The following ITGAL variants were observed in gnomAD, a reference collection of about 807,000 sequenced individuals.
ITGAL encodes the protein integrin subunit alpha L, also known as integrin alpha-L.
Under a neutral mutation model 138.4 loss-of-function variants are expected in ITGAL, and 68 were observed. The observed-to-expected ratio is 0.49, with a 90% confidence interval of 0.40 to 0.60. The LOEUF (loss-of-function observed/expected upper bound fraction) is 0.60, where lower values mean the gene tolerates loss of function less well. ITGAL is among the 20% of genes least tolerant of loss of function. The pLI is 0.00. For synonymous variants in ITGAL, 561 were observed against 584.3 expected (o/e 0.96, Z 0.57); for missense variants, 1,256 against 1,478.6 (o/e 0.85, Z 2.47).
intron 9 of ITGAL, 89 bp downstream of exon 9, chr16:30,484,352 T>A: frequency 7.7e-7 from 1 of 1,302,312 alleles, no homozygotes; most frequent in Non-Finnish European, 1.1e-6. Context: ...CTCACACCTG[T>A]AATCCCAGCA....
In ITGAL at chr16:30,474,109, C is replaced by G. The variant is rs2050432214; in HGVS notation, c.62-87C>G. The G allele has an allele frequency of 4.1e-6, 4 of 984,232 alleles. No individual in the cohort carries two copies. In the South Asian group the frequency reaches 5.5e-5, roughly 14 times the overall value. 61.0% of individuals were successfully genotyped at this position (984,232 alleles called of 1,614,324 possible). On this transcript the variant is annotated intron_variant, in intron 1 of 30. Transcript: ENST00000356798. ...GTGCGGGTGGCCTGGGGAGCGACAT[C>G]CGGGTGGGCCTGGGATCGGCCACCT...
At chr16:30,506,030 C>A (rs540438579) in intron 20 of ITGAL, among the ~76,000 whole-genome samples, 1 of 152,180 alleles carries the variant, frequency 6.6e-6, no homozygotes, top group Non-Finnish European at 1.5e-5. Context: ...GAGGCCAAGG[C>A]GGGCAGATCA....
intron 21 of ITGAL, among the ~76,000 whole-genome samples, chr16:30,508,990 A>T (rs1016626539): frequency 6.6e-6 from 1 of 152,146 alleles, no homozygotes; most frequent in Non-Finnish European, 1.5e-5. Context: ...CAGACGGGGC[A>T]ACATGGTGAA....
At chr16:30,486,003 A>G (rs2050641836) in intron 9 of ITGAL, among the ~76,000 whole-genome samples, 1 of 152,100 alleles carries the variant, frequency 6.6e-6, no homozygotes, top group African/African-American at 2.4e-5. Flanking sequence ...ATTACTTCAG[A>G]AGGGCAGGCT....
chr16:30,499,496 G>A lies in ITGAL; in HGVS notation c.2145+7G>A. 1 of 1,613,112 alleles carries A rather than the reference G, an allele frequency of 6.2e-7. No homozygotes were observed. The highest frequency in any genetic ancestry group is 2.2e-5 in the East Asian group (1 of 44,862). On this transcript the variant is annotated splice_region_variant and intron_variant, in intron 17 of 30. Coordinates refer to ENST00000356798, the MANE Select transcript of ITGAL (RefSeq NM_002209.3). ...CTTCTCATTTCATTTCCCGGTAAGG[G>A]AGCCAGCGCCAATGCTCTGGGATGA...
At chr16:30,484,635 A>C (rs2050612797) in intron 9 of ITGAL, among the ~76,000 whole-genome samples, 1 of 140,896 alleles carries the variant, frequency 7.1e-6, no homozygotes, top group African/African-American at 2.6e-5. Context: ...AAAAACAAAA[A>C]TGGCCGGACG....
intron 15 of ITGAL, 89 bp downstream of exon 15, chr16:30,496,655 T>G: frequency 7.9e-7 from 1 of 1,265,744 alleles, no homozygotes; most frequent in Non-Finnish European, 1.0e-6. Flanking sequence ...TTTTGGTTTT[T>G]TTTAGAGACA....
chr16:30,517,773 C>G, intron 27 of ITGAL, 24 bp from the exon 28 acceptor site: 1 of 1,613,594 alleles, frequency 6.2e-7, no homozygotes, highest in African/African-American at 1.3e-5. Context: ...GCCGCCCTGA[C>G]CCCGCTTTCC....
chr16:30,506,592 AAAG>A, intron 20 of ITGAL, 120 bp from the exon 21 acceptor site: 18 of 449,280 alleles, frequency 4.0e-5, no homozygotes, highest in South Asian at 1.9e-4. Context: ...AAAAAAAAAA[AAAG>A]ACTGAGCATA....
At chr16:30,474,961 C>A (rs2050449306) in intron 2 of ITGAL, among the ~76,000 whole-genome samples, 1 of 150,456 alleles carries the variant, frequency 6.6e-6, no homozygotes, top group African/African-American at 2.4e-5. Context: ...CAGGTTCAAG[C>A]CATTCTCCTG....
At chr16:30,478,729 A>AAAGC (rs2050510307) in intron 4 of ITGAL, among the ~76,000 whole-genome samples, 2 of 150,790 alleles carry the variant, frequency 1.3e-5, no homozygotes, top group Non-Finnish European at 3.0e-5. Context: ...AGAAAGAAAG[A>AAAGC]GGCACTGTAT....
In ITGAL at chr16:30,475,734, C is replaced by CTTTTT. The variant is rs35994365; in HGVS notation, c.327+176_327+180dup. On this transcript the variant is annotated intron_variant, in intron 4 of 30. Transcript: ENST00000356798. ...TATTGAGAACCAATGATGAACCAGC[C>CTTTTT]TTTTTTTTTTTTTTTTTTTTTTTTT... Among the ~76,000 whole-genome samples, 10 of 81,308 alleles carry CTTTTT rather than the reference C, an allele frequency of 1.2e-4. 1 individual carries two copies. Among genetic ancestry groups the CTTTTT allele is most frequent in the African/African-American group, 3.6e-4 (6 of 16,448 alleles). The allele number at this position is 81,308 out of a possible 152,430, so 53.3% of individuals were successfully genotyped here. A position where few individuals can be genotyped will look rare whatever the true frequency, so the allele number is the denominator to read the frequency against.
rs563225109 is a variant in ITGAL at position 30,503,530 on chromosome 16, G to A, written c.2146-645G>A. On this transcript the variant is annotated intron_variant, in intron 17 of 30. Transcript: ENST00000356798. ...AAGGAGGGAAGGAAGGAAGGACAACGGAGGAAGGAAGGAAGGGAGGGAGGG... is the reference window on the plus strand; with the variant it reads ...AAGGAGGGAAGGAAGGAAGGACAACAGAGGAAGGAAGGAAGGGAGGGAGGG... Among the ~76,000 whole-genome samples, 134 of 148,368 alleles carry A rather than the reference G, an allele frequency of 9.0e-4. 1 individual carries two copies. Among genetic ancestry groups the A allele is most frequent in the African/African-American group, 2.9e-3 (115 of 40,188 alleles).
chr16:30,475,201 C>A (rs1048599004), intron 2 of ITGAL, 105 bp from the exon 3 acceptor site: 71 of 829,442 alleles, frequency 8.6e-5, no homozygotes, highest in Non-Finnish European at 2.0e-5. Context: ...GGAATGGCTG[C>A]AGTGCTTGGA....
rs1421672739 is a variant in ITGAL at position 30,506,770 on chromosome 16, A to G, written c.2422A>G (p.Ser808Gly). 5 of 1,613,596 alleles carry G rather than the reference A, an allele frequency of 3.1e-6. No individual in the cohort carries two copies. The highest frequency in any genetic ancestry group is 4.2e-6 in the Non-Finnish European group (5 of 1,179,854). Residue 808 changes from serine to glycine, a missense_variant, in exon 21 of 31, where the codon AGT (serine) becomes GGT (glycine). Transcript: ENST00000356798. ...FASLSVELSL[S>G]NLEEDAYWVQ... ...CAGCCTCTCTGTGGAGCTGAGCCTG[A>G]GTAACTTGGAAGAAGATGCTTACTG...
intron 18 of ITGAL, 92 bp from the exon 19 acceptor site, chr16:30,505,152 G>A (rs1273593069): frequency 2.3e-6 from 3 of 1,290,970 alleles, no homozygotes; most frequent in Admixed American, 2.7e-5. Context: ...GCCCAGTTGA[G>A]CTAAGCCCCT....
Position 30,517,810 on chromosome 16 carries a change from G to T in ITGAL, c.3047G>T (p.Gly1016Val). 1.2e-6 allele frequency: 2 copies of T among 1,614,132 alleles called. 1 individual carries two copies. The highest frequency in any genetic ancestry group is 2.2e-5 in the South Asian group (2 of 91,076). The change falls in exon 28 of 31, where the codon GGA becomes GTA. Residue 1016 changes from glycine (G) to valine (V), a missense_variant. Physicochemically the swap from Gly to Val is moderately radical, Grantham distance 109. Coordinates refer to ENST00000356798, the MANE Select transcript of ITGAL (RefSeq NM_002209.3). The part of the protein sequence containing the change: ...LPDAAEPCLP[G>V]ALFRCPVVFR... ...CATCCTTGTCAGCCTTGTCTCCCCG[G>T]AGCCCTGTTCCGCTGCCCTGTTGTC...
At chr16:30,486,721 A>T (rs928291250) in intron 9 of ITGAL, among the ~76,000 whole-genome samples, 1 of 152,102 alleles carries the variant, frequency 6.6e-6, no homozygotes, top group African/African-American at 2.4e-5. Context: ...GTTGGCAGGG[A>T]GGTAAGGGTC....
At position 30,494,746 on chromosome 16, in the gene ITGAL, G is replaced by C; in HGVS notation, c.1399G>C (p.Val467Leu). ...TTATTTCGGTGGGGAGCTGTGTGGC[G>C]TCGACGTGGACCAAGATGGGGAGAC... The part of the protein sequence containing the change: ...GSYFGGELCG[V>L]DVDQDGETEL... The change falls in exon 13 of 31, where the codon GTC (valine) becomes CTC (leucine). Residue 467 changes from valine (V) to leucine (L), a missense_variant. By Grantham distance (32) the Val-to-Leu change is conservative (BLOSUM62 1). Coordinates refer to ENST00000356798, the MANE Select transcript of ITGAL (RefSeq NM_002209.3). This position sits in a 1 kb window ranked among gnomAD's most constrained non-coding sequence, Gnocchi z 4.2. The C allele has an allele frequency of 6.2e-7, 1 of 1,612,684 alleles. No homozygotes were observed. The highest frequency in any genetic ancestry group is 8.5e-7 in the Non-Finnish European group (1 of 1,179,176).
Sources: allele counts gnomAD v4.1 joint callset (sites outside exome capture counted in the v4.1 genomes callset), GRCh38; gene constraint gnomAD v4.1.1; non-coding constraint Gnocchi (gnomAD v3.1); transcripts MANE v1.5; gene names NCBI Gene and HGNC (gene_info 2026-07-23, HGNC 2026-07-21).